Variants in SSX2IP observed in about 807,000 individuals in gnomAD.
SSX2IP encodes the protein SSX family member 2 interacting protein, also known as afadin- and alpha-actinin-binding protein.
SSX2IP carries 55 observed loss-of-function variants against 84.9 expected under a neutral mutation model. The ratio of observed to expected loss-of-function variants is 0.65; its 90% CI spans 0.52 to 0.81. The LOEUF (loss-of-function observed/expected upper bound fraction) is 0.81. Ranked by LOEUF, SSX2IP falls within the 30% of genes least tolerant of loss-of-function variation. The pLI is 0.00. For synonymous variants in SSX2IP, 239 were observed against 234.7 expected (o/e 1.02, Z -0.17); for missense variants, 664 against 705.2 (o/e 0.94, Z 0.66).
intron 2 of SSX2IP, 53 bp downstream of exon 2, chr1:84,671,124 A>G: frequency 6.3e-7 from 1 of 1,579,214 alleles, no homozygotes. Flanking sequence ...TTTCATTGAA[A>G]AATTCACCTT....
rs1197892058 is a variant in SSX2IP at position 84,649,424 on chromosome 1, C to G, written c.1670+938G>C. ...CATTTACTTGGAGTCCTAATCCCCC[C>G]ACCTCTTAAAAGTCAACTACAACTT... On this transcript the variant is annotated intron_variant, in intron 13 of 13. Transcript: ENST00000342203. 1.8e-4 allele frequency among the ~76,000 whole-genome samples: 28 copies of G among 152,220 alleles called. 1 individual carries two copies. The highest frequency in any genetic ancestry group is 1.7e-3 in the Admixed American group (26 of 15,276).
intron 4 of SSX2IP, among the ~76,000 whole-genome samples, chr1:84,666,838 G>A (rs149768677): frequency 8.7e-4 from 132 of 152,204 alleles, no homozygotes; most frequent in Non-Finnish European, 1.4e-3. Flanking sequence ...TCAACTTATC[G>A]CATCTGAGGA....
intron 5 of SSX2IP, among the ~76,000 whole-genome samples, chr1:84,665,390 C>A (rs1056524585): frequency 6.6e-6 from 1 of 152,102 alleles, no homozygotes; most frequent in African/African-American, 2.4e-5. Context: ...CTCCAGGGCG[C>A]TTTAAAGAAA....
At chr1:84,649,373 A>C (rs1649901947) in intron 13 of SSX2IP, among the ~76,000 whole-genome samples, 1 of 152,134 alleles carries the variant, frequency 6.6e-6, no homozygotes, top group Admixed American at 6.5e-5. Context: ...GAGTGCTCTT[A>C]CCTAGCTCTT....
At chr1:84,652,160 G>A (rs1049640215) in intron 11 of SSX2IP, 163 bp from the exon 12 acceptor site, 5 of 566,856 alleles carry the variant, frequency 8.8e-6, no homozygotes, top group African/African-American at 1.9e-5. Context: ...TTCAGCACTC[G>A]TCTGTAATCC....
chr1:84,680,933 G>T (rs530012423), intron 1 of SSX2IP, among the ~76,000 whole-genome samples: 1 of 152,270 alleles, frequency 6.6e-6, no homozygotes, highest in East Asian at 1.9e-4. Flanking sequence ...ATAAGCACAG[G>T]AAATGGGGAT....
At chr1:84,658,510 C>A (rs376759522) in intron 8 of SSX2IP, 42 bp from the exon 9 acceptor site, 89 of 1,578,262 alleles carry the variant, frequency 5.6e-5, no homozygotes, top group Non-Finnish European at 7.4e-5. Flanking sequence ...TAGTACCTTA[C>A]AATGGCTTTA....
intron 5 of SSX2IP, among the ~76,000 whole-genome samples, chr1:84,664,982 G>C (rs1652558847): frequency 6.6e-6 from 1 of 152,090 alleles, no homozygotes; most frequent in African/African-American, 2.4e-5. Context: ...AGGTAAGCAG[G>C]CTCGTTTTTC....
chr1:84,650,157 A>G (rs891785213), intron 13 of SSX2IP: 5 of 623,574 alleles, frequency 8.0e-6, no homozygotes, highest in South Asian at 5.8e-5. Flanking sequence ...CAACAGATCT[A>G]CCTGTTCACT....
chr1:84,670,457 G>A (rs927711242), intron 3 of SSX2IP, 189 bp downstream of exon 3: 4 of 383,026 alleles, frequency 1.0e-5, no homozygotes, highest in Non-Finnish European at 1.4e-5. Flanking sequence ...GGAGGCCAAG[G>A]TGCTCCACAC....
chr1:84,664,313 G>T (rs1652467295), intron 6 of SSX2IP, 104 bp downstream of exon 6: 2 of 1,190,548 alleles, frequency 1.7e-6, no homozygotes, highest in Non-Finnish European at 1.1e-6. Flanking sequence ...TATAAAGCAT[G>T]AAAATAACAT....
intron 4 of SSX2IP, among the ~76,000 whole-genome samples, chr1:84,669,092 A>C (rs1285348022): frequency 6.6e-6 from 1 of 152,198 alleles, no homozygotes; most frequent in African/African-American, 2.4e-5. Context: ...AGAAAAAGAA[A>C]GAAATCAAAA....
rs1019778755 is a variant in SSX2IP at position 84,644,229 on chromosome 1, A to G, written c.*3204T>C. The G allele has an allele frequency of 5.9e-5, 9 of 152,220 alleles. No homozygotes were observed. Among genetic ancestry groups the G allele is most frequent in the African/African-American group, 2.2e-4 (9 of 41,450 alleles). 9.4% of individuals were successfully genotyped at this position (152,220 alleles called of 1,614,324 possible). A position where few individuals can be genotyped will look rare whatever the true frequency, so the allele number is the denominator to read the frequency against. ...GAAGCCTAGCCACGTTACTGTTAAA[A>G]AACAAATGTGGCCTGGAGCAGACCC... On this transcript the variant is annotated 3_prime_UTR_variant, in exon 14 of 14. Coordinates refer to ENST00000342203, the MANE Select transcript of SSX2IP (RefSeq NM_001166293.2).
intron 11 of SSX2IP, chr1:84,655,631 G>A (rs767462912): frequency 6.6e-7 from 1 of 1,507,948 alleles, no homozygotes; most frequent in African/African-American, 1.4e-5. Context: ...TTTTTCTTAA[G>A]TTCAATTCTC....
chr1:84,669,375 C>T (rs1653211393), intron 4 of SSX2IP, among the ~76,000 whole-genome samples: 1 of 152,074 alleles, frequency 6.6e-6, no homozygotes, highest in South Asian at 2.1e-4. Context: ...GAAGCATATA[C>T]TTTCTTAACC....
chr1:84,673,083 T>TA (rs1653824029), intron 1 of SSX2IP, among the ~76,000 whole-genome samples: 1 of 152,218 alleles, frequency 6.6e-6, no homozygotes, highest in Admixed American at 6.5e-5. Flanking sequence ...TATGTGCTAC[T>TA]ACGTTTTCCT....
chr1:84,661,987 T>C (rs1346293144), intron 8 of SSX2IP, among the ~76,000 whole-genome samples: 1 of 152,120 alleles, frequency 6.6e-6, no homozygotes, highest in African/African-American at 2.4e-5. Flanking sequence ...ATGTATTAAT[T>C]CCCCGGAAAA....
At chr1:84,655,005 C>T (rs1220675716) in intron 11 of SSX2IP, among the ~76,000 whole-genome samples, 2 of 151,644 alleles carry the variant, frequency 1.3e-5, no homozygotes, top group Non-Finnish European at 2.9e-5. Context: ...TTATTATTTC[C>T]TTAAAGCAAA....
At chr1:84,650,189 A>T in intron 13 of SSX2IP, 173 bp downstream of exon 13, 2 of 660,790 alleles carry the variant, frequency 3.0e-6, no homozygotes, top group South Asian at 3.7e-5. Context: ...AGCATCTAGC[A>T]CAGTGTCTAT....
Sources: allele counts gnomAD v4.1 joint callset (sites outside exome capture counted in the v4.1 genomes callset), GRCh38; gene constraint gnomAD v4.1.1; transcripts MANE v1.5; gene names NCBI Gene and HGNC (gene_info 2026-07-23, HGNC 2026-07-21).